The following EDIL3 variants were observed in gnomAD, a reference collection of about 807,000 sequenced individuals.
EDIL3 encodes the protein EGF-like repeat and discoidin I-like domain-containing protein 3.
EDIL3 carries 37 observed loss-of-function variants against 67.4 expected under a neutral mutation model. That is an observed-to-expected ratio of 0.55 (90% CI 0.42 to 0.72). The LOEUF (loss-of-function observed/expected upper bound fraction) is 0.72. EDIL3 is among the 30% of genes least tolerant of loss of function. The pLI, the probability that EDIL3 is intolerant of heterozygous loss-of-function variation, is 0.00. For missense variants in EDIL3, 527 were observed against 586.3 expected, an observed-to-expected ratio of 0.90 and a Z score of 1.04; for synonymous variants, 195 against 196.3, an observed-to-expected ratio of 0.99 and a Z score of 0.05.
intron 3 of EDIL3, among the ~76,000 whole-genome samples, chr5:84,208,657 G>T (rs1744042226): frequency 7.5e-6 from 1 of 133,458 alleles, no homozygotes; most frequent in East Asian, 2.2e-4. Flanking sequence ...CCGCAGTCCG[G>T]CCTGGGCAAC....
intron 9 of EDIL3, among the ~76,000 whole-genome samples, chr5:84,010,714 T>C (rs1269727066): frequency 1.3e-5 from 2 of 152,200 alleles, no homozygotes; most frequent in Admixed American, 6.6e-5. Flanking sequence ...AATTACAAAT[T>C]CTATCATGTT....
At chr5:84,311,814 A>G (rs1044098229) in intron 1 of EDIL3, among the ~76,000 whole-genome samples, 10 of 152,094 alleles carry the variant, frequency 6.6e-5, no homozygotes, top group East Asian at 1.9e-4. Flanking sequence ...ATCTTGCACC[A>G]CCCTTAATCC....
At chr5:84,282,329 TAG>T (rs1473217664) in intron 1 of EDIL3, among the ~76,000 whole-genome samples, 1 of 152,214 alleles carries the variant, frequency 6.6e-6, no homozygotes, top group African/African-American at 2.4e-5. Context: ...TAAAACAATC[TAG>T]AGGTCTACTT....
chr5:84,352,454 A>G (rs1747380171), intron 1 of EDIL3, among the ~76,000 whole-genome samples: 1 of 152,168 alleles, frequency 6.6e-6, no homozygotes. Flanking sequence ...ACACCATGGG[A>G]TTCTATGCAG....
intron 1 of EDIL3, among the ~76,000 whole-genome samples, chr5:84,343,254 G>A (rs1335941409): frequency 3.3e-5 from 5 of 151,472 alleles, no homozygotes; most frequent in African/African-American, 4.9e-5. Flanking sequence ...CTGAAATTCT[G>A]CAATTTGAAA....
At chr5:84,065,078 G>A (rs537906564) in intron 7 of EDIL3, among the ~76,000 whole-genome samples, 171 of 152,246 alleles carry the variant, frequency 1.1e-3, no homozygotes, top group African/African-American at 3.8e-3. Flanking sequence ...ATATTCCACT[G>A]TGATGGTCTT....
intron 5 of EDIL3, among the ~76,000 whole-genome samples, chr5:84,132,434 AATATATATTTTAACATATATTATGTATT>A (rs1747997704): frequency 1.3e-5 from 1 of 74,848 alleles, no homozygotes; most frequent in African/African-American, 5.5e-5. Context: ...TTTTATATAT[AATATATATTTTAACATATATTATGTATT>A]TTATATATAA....
intron 4 of EDIL3, among the ~76,000 whole-genome samples, chr5:84,153,691 G>T (rs888610196): frequency 1.3e-5 from 2 of 152,188 alleles, no homozygotes; most frequent in Non-Finnish European, 2.9e-5. Flanking sequence ...TCGAGCTCCT[G>T]ACCTCAGGAG....
chr5:83,965,513 A>G (rs2112132050), intron 9 of EDIL3, among the ~76,000 whole-genome samples: 1 of 152,216 alleles, frequency 6.6e-6, no homozygotes, highest in East Asian at 1.9e-4. Context: ...GGCAGTCAAC[A>G]TACAGGAACT....
At chr5:84,186,499 A>AT (rs1480153070) in intron 3 of EDIL3, among the ~76,000 whole-genome samples, 2 of 152,120 alleles carry the variant, frequency 1.3e-5, no homozygotes, top group African/African-American at 4.8e-5. Flanking sequence ...TGGGTATCTC[A>AT]TTTTTTAAGG....
At chr5:84,274,128 A>G (rs1333322940) in intron 1 of EDIL3, among the ~76,000 whole-genome samples, 1 of 152,108 alleles carries the variant, frequency 6.6e-6, no homozygotes, top group Admixed American at 6.5e-5. Flanking sequence ...TCTTTTAGAG[A>G]CAGCGTCTTG....
At chr5:84,148,036 TTCTA>T (rs1475437523) in intron 4 of EDIL3, among the ~76,000 whole-genome samples, 1 of 152,116 alleles carries the variant, frequency 6.6e-6, no homozygotes, top group African/African-American at 2.4e-5. Flanking sequence ...TATCTTATAC[TTCTA>T]AAGCTATTGT....
At chr5:84,086,100 T>C (rs1747064489) in intron 6 of EDIL3, among the ~76,000 whole-genome samples, 1 of 152,180 alleles carries the variant, frequency 6.6e-6, no homozygotes, top group Non-Finnish European at 1.5e-5. Flanking sequence ...TTGGGCTCCA[T>C]GGGAGTGGGA....
chr5:83,970,681 A>AG (rs1218406394), intron 9 of EDIL3, among the ~76,000 whole-genome samples: 1 of 135,464 alleles, frequency 7.4e-6, no homozygotes, highest in African/African-American at 2.7e-5. Context: ...ATATATATAT[A>AG]TATTTAAGAA....
intron 9 of EDIL3, among the ~76,000 whole-genome samples, chr5:83,997,153 T>A (rs547618819): frequency 6.6e-6 from 1 of 152,170 alleles, no homozygotes; most frequent in East Asian, 1.9e-4. Context: ...TGTGCAGTAG[T>A]TGGATAATAT....
At chr5:84,148,756 A>G (rs1228695949) in intron 4 of EDIL3, among the ~76,000 whole-genome samples, 1 of 152,112 alleles carries the variant, frequency 6.6e-6, no homozygotes, top group Non-Finnish European at 1.5e-5. Context: ...TTCAAGCAAC[A>G]AACTCACTAC....
At chr5:83,990,366 A>C (rs1161396563) in intron 9 of EDIL3, among the ~76,000 whole-genome samples, 1 of 151,972 alleles carries the variant, frequency 6.6e-6, no homozygotes, top group Non-Finnish European at 1.5e-5. Context: ...ATGCGCCTGT[A>C]ATCCCAGCTA....
rs1338259639 is a variant in EDIL3, at chr5:84,252,499, A to AAAAG, written c.196+1584_196+1585insCTTT. Among the ~76,000 whole-genome samples, 11 of 143,062 alleles carry AAAAG rather than the reference A, an allele frequency of 7.7e-5. 1 individual carries two copies. The highest frequency in any genetic ancestry group is 7.6e-4 in the Admixed American group (11 of 14,414). 93.9% of individuals were successfully genotyped at this position (143,062 alleles called of 152,430 possible). ...ACAAAGTGAGACTCCGTCTCAAAAAAAAAAAAAAAAAAAAAAAAATTCTGC... is the reference window on the plus strand; with the variant it reads ...ACAAAGTGAGACTCCGTCTCAAAAAAAAAGAAAAAAAAAAAAAAAAAAATTCTGC... On this transcript the variant is annotated intron_variant, in intron 2 of 10. Transcript: ENST00000296591.
chr5:84,073,837 G>GA lies in EDIL3; in HGVS notation c.652-7232dup, dbSNP rs577202639. 1.3e-3 allele frequency among the ~76,000 whole-genome samples: 193 copies of GA among 152,138 alleles called. 2 individuals are homozygous for GA. Among genetic ancestry groups the GA allele is most frequent in the South Asian group, 6.9e-3 (33 of 4,814 alleles). ...ACCAATGACTTTCCTCACAGAATTGGAAAAAACTACTTTAAAGTTCATATG... is the reference window on the plus strand; with the variant it reads ...ACCAATGACTTTCCTCACAGAATTGGAAAAAAACTACTTTAAAGTTCATATG... On this transcript the variant is annotated intron_variant, in intron 6 of 10. Coordinates refer to ENST00000296591, the MANE Select transcript of EDIL3 (RefSeq NM_005711.5).
Sources: allele counts gnomAD v4.1 joint callset (sites outside exome capture counted in the v4.1 genomes callset), GRCh38; gene constraint gnomAD v4.1.1; transcripts MANE v1.5; gene names NCBI Gene and HGNC (gene_info 2026-07-23, HGNC 2026-07-21).